DPP6: variants seen among roughly 807,000 people sequenced by gnomAD.
DPP6 encodes the protein A-type potassium channel modulatory protein DPP6.
In DPP6, 69 loss-of-function variants were observed where a neutral mutation model predicts 122.6. That is an observed-to-expected ratio of 0.56 (90% CI 0.46 to 0.69). The LOEUF (loss-of-function observed/expected upper bound fraction) is 0.69. DPP6 is among the 30% of genes least tolerant of loss of function. The pLI is 0.00. For synonymous variants in DPP6, 418 were observed against 433.1 expected (o/e 0.97, Z 0.43); for missense variants, 928 against 1,116.9 (o/e 0.83, Z 2.41).
intron 1 of DPP6, among the ~76,000 whole-genome samples, chr7:153,940,349 C>T (rs1421277566): frequency 6.6e-6 from 1 of 152,056 alleles, no homozygotes; most frequent in African/African-American, 2.4e-5. Flanking sequence ...GGACAAAACA[C>T]GCCGCAACTT....
At chr7:154,384,886 A>G (rs1043817750) in intron 1 of DPP6, among the ~76,000 whole-genome samples, 5 of 152,210 alleles carry the variant, frequency 3.3e-5, no homozygotes, top group Non-Finnish European at 7.4e-5. Flanking sequence ...ACTGTTACAG[A>G]TGATGATATA....
chr7:154,443,844 G>A (rs142374363), intron 1 of DPP6, among the ~76,000 whole-genome samples: 2 of 152,308 alleles, frequency 1.3e-5, no homozygotes, highest in East Asian at 1.9e-4. Context: ...TAACGGAATA[G>A]GGAATATGTT....
At chr7:154,652,726 G>A (rs774565247) in intron 6 of DPP6, among the ~76,000 whole-genome samples, 7 of 151,978 alleles carry the variant, frequency 4.6e-5, no homozygotes, top group African/African-American at 9.7e-5. Context: ...AGACCCAGAC[G>A]CCACTAGATT....
rs186291467 is a variant in DPP6, at chr7:154,814,448, G to A, written c.1666+7336G>A. Among the ~76,000 whole-genome samples, 426 of 152,202 alleles carry A rather than the reference G, an allele frequency of 2.8e-3. 1 individual carries two copies. Among genetic ancestry groups the A allele is most frequent in the Non-Finnish European group, 4.3e-3 (290 of 68,016 alleles). On this transcript the variant is annotated intron_variant, in intron 16 of 25. Coordinates refer to ENST00000377770, the MANE Select transcript of DPP6 (RefSeq NM_130797.4). ...CATGAAAGTGGCTGTGTATTCACCC[G>A]CAGACCAACGCCTGTGACAGGAACT...
At chr7:154,049,507 G>C (rs1400025258), upstream of DPP6, among the ~76,000 whole-genome samples, 3 of 130,424 alleles carry the variant, frequency 2.3e-5, no homozygotes, top group Admixed American at 2.3e-4. Flanking sequence ...ACTGCAATGT[G>C]TGTATCCGTG....
chr7:154,093,961 CT>C (rs1397872570), intron 1 of DPP6: 1 of 152,114 alleles, frequency 6.6e-6, no homozygotes, highest in Non-Finnish European at 1.5e-5. Flanking sequence ...AGGGTGTTTC[CT>C]TTAATTCCTG....
intron 16 of DPP6, among the ~76,000 whole-genome samples, chr7:154,808,397 C>T (rs1044408584): frequency 6.6e-6 from 1 of 152,084 alleles, no homozygotes; most frequent in Non-Finnish European, 1.5e-5. Flanking sequence ...GAGGGGGGTG[C>T]GACTGAAATA....
intron 10 of DPP6, among the ~76,000 whole-genome samples, chr7:154,775,025 C>T (rs1796477297): frequency 6.6e-6 from 1 of 152,198 alleles, no homozygotes; most frequent in Admixed American, 6.5e-5. Flanking sequence ...CCGTAGAGCA[C>T]TAGGCAGCAT....
chr7:153,806,924 G>T, the DPP6 span, among the ~76,000 whole-genome samples: 3 of 151,998 alleles, frequency 2.0e-5, no homozygotes, highest in East Asian at 5.8e-4. Flanking sequence ...AAATGTTCTA[G>T]GGATTAGATT....
chr7:154,185,247 G>T (rs1585578329), intron 1 of DPP6, among the ~76,000 whole-genome samples: 1 of 152,190 alleles, frequency 6.6e-6, no homozygotes, highest in African/African-American at 2.4e-5. Flanking sequence ...CTAGCCTAAT[G>T]GCAGACAGCT....
chr7:153,948,919 A>C (rs1033276401), intron 1 of DPP6, among the ~76,000 whole-genome samples: 1 of 151,636 alleles, frequency 6.6e-6, no homozygotes, highest in Non-Finnish European at 1.5e-5. Flanking sequence ...CTTCAAGCAA[A>C]ATTGGGAAAG....
chr7:153,787,201 C>G, the DPP6 span, among the ~76,000 whole-genome samples: 1 of 141,392 alleles, frequency 7.1e-6, no homozygotes, highest in Non-Finnish European at 1.6e-5. Flanking sequence ...CCACCCGCCT[C>G]GGCCTCCCAA....
intron 1 of DPP6, among the ~76,000 whole-genome samples, chr7:154,008,700 C>T (rs1423853074): frequency 4.4e-5 from 6 of 137,914 alleles, no homozygotes; most frequent in Non-Finnish European, 6.1e-5. Flanking sequence ...CTCGCTCTGT[C>T]GCCCAGGCTG....
Position 154,486,780 on chromosome 7 carries a change from G to A in DPP6, c.457+11743G>A, listed in dbSNP as rs531069905. Among the ~76,000 whole-genome samples the A allele has an allele frequency of 2.3e-4, 35 of 152,180 alleles. No homozygotes were observed. Among genetic ancestry groups the A allele is most frequent in the Non-Finnish European group, 4.1e-4 (28 of 68,042 alleles). On this transcript the variant is annotated intron_variant, in intron 3 of 25. Coordinates refer to ENST00000377770, the MANE Select transcript of DPP6 (RefSeq NM_130797.4). The surrounding 1 kb of genome is among the most constrained non-coding windows in gnomAD (Gnocchi z 4.5). ...GAGAGGTGTGTCTTGGGGCAGGGCA[G>A]CCGATTTCTTCCACACCACGCTGGT...
chr7:154,735,558 A>G (rs527536637), intron 8 of DPP6, among the ~76,000 whole-genome samples: 1 of 152,338 alleles, frequency 6.6e-6, no homozygotes, highest in Non-Finnish European at 1.5e-5. Context: ...TGTAACTAAA[A>G]TGAGTATTTT....
intron 1 of DPP6, among the ~76,000 whole-genome samples, chr7:154,150,791 T>C (rs1215591288): frequency 6.6e-6 from 1 of 152,186 alleles, no homozygotes; most frequent in African/African-American, 2.4e-5. Flanking sequence ...ACGCGGACTC[T>C]GAGCAAAGTA....
the DPP6 span, among the ~76,000 whole-genome samples, chr7:153,871,362 C>T: frequency 6.6e-6 from 1 of 152,166 alleles, no homozygotes. Flanking sequence ...GGGCGCCCCT[C>T]CCCCAGCCTC....
At chr7:154,366,121 T>A (rs1812169102) in intron 1 of DPP6, among the ~76,000 whole-genome samples, 2 of 152,142 alleles carry the variant, frequency 1.3e-5, no homozygotes, top group Admixed American at 1.3e-4. Flanking sequence ...AGAGCCTGGC[T>A]CTGAGCAAAA....
chr7:154,401,292 T>C (rs982459326), intron 1 of DPP6, among the ~76,000 whole-genome samples: 2 of 151,690 alleles, frequency 1.3e-5, no homozygotes, highest in South Asian at 2.1e-4. Context: ...ATTCTAAGAA[T>C]AGAAAATTGA....
Sources: allele counts gnomAD v4.1 joint callset (sites outside exome capture counted in the v4.1 genomes callset), GRCh38; gene constraint gnomAD v4.1.1; non-coding constraint Gnocchi (gnomAD v3.1); transcripts MANE v1.5; gene names NCBI Gene and HGNC (gene_info 2026-07-23, HGNC 2026-07-21).